Variants in ST8SIA5 observed in about 807,000 individuals in gnomAD.
ST8SIA5 encodes ST8 alpha-N-acetyl-neuraminide alpha-2,8-sialyltransferase 5, also known as alpha-2,8-sialyltransferase 8E.
In ST8SIA5, 24 loss-of-function variants were observed where a neutral mutation model predicts 40.2. That is an observed-to-expected ratio of 0.60 (90% CI 0.43 to 0.84). The LOEUF (loss-of-function observed/expected upper bound fraction) is 0.84. Ranked by LOEUF, ST8SIA5 falls within the 40% of genes least tolerant of loss-of-function variation. The probability of loss-of-function intolerance (pLI) is 0.00; values close to 1 mark genes in which losing one functional copy is unlikely to be tolerated. For synonymous variants in ST8SIA5, 198 were observed against 201.8 expected (o/e 0.98, Z 0.16); for missense variants, 465 against 498.5 (o/e 0.93, Z 0.64).
At chr18:46,751,555 C>G (rs1262285446) in intron 1 of ST8SIA5, among the ~76,000 whole-genome samples, 1 of 152,104 alleles carries the variant, frequency 6.6e-6, no homozygotes, top group Admixed American at 6.5e-5. Flanking sequence ...TGCCACCACA[C>G]CTGGCTAATT....
chr18:46,722,569 C>A (rs944146448), intron 1 of ST8SIA5, among the ~76,000 whole-genome samples: 1 of 152,190 alleles, frequency 6.6e-6, no homozygotes, highest in Non-Finnish European at 1.5e-5. Context: ...TTGGTGCCCG[C>A]TTAATTGCCC....
At chr18:46,735,183 C>T (rs961122529) in intron 1 of ST8SIA5, among the ~76,000 whole-genome samples, 3 of 152,242 alleles carry the variant, frequency 2.0e-5, no homozygotes, top group South Asian at 2.1e-4. Flanking sequence ...CTCAGGCCTT[C>T]GGCCACAGAC....
chr18:46,723,844 T>C (rs910201016), intron 1 of ST8SIA5, among the ~76,000 whole-genome samples: 4 of 152,204 alleles, frequency 2.6e-5, no homozygotes, highest in Admixed American at 6.5e-5. Flanking sequence ...GAGAATCGCT[T>C]GAACCTGGGA....
intron 1 of ST8SIA5, among the ~76,000 whole-genome samples, chr18:46,728,743 G>A (rs1366233631): frequency 6.6e-6 from 1 of 152,166 alleles, no homozygotes; most frequent in Non-Finnish European, 1.5e-5. Context: ...TGGAGAGTGA[G>A]ACTGAAGCCA....
Position 46,756,459 on chromosome 18 carries a change from G to T in ST8SIA5, c.50C>A (p.Thr17Asn), listed in dbSNP as rs2040248232. Residue 17 changes from threonine (T) to asparagine (N), a missense_variant, in exon 1 of 7, where the codon ACT becomes AAT. Coordinates refer to ENST00000315087, the MANE Select transcript of ST8SIA5 (RefSeq NM_013305.6). The part of the protein sequence containing the change: ...SANRDLLGSR[T>N]LLFIFICAFA... ...GGCGCAGATGAAGATGAAGAGCAAA[G>T]TTCGGCTCCCCAACAAATCCCGGTT... 1 of 1,613,258 alleles carries T rather than the reference G, an allele frequency of 6.2e-7. No homozygotes were observed. The highest frequency in any genetic ancestry group is 8.5e-7 in the Non-Finnish European group (1 of 1,179,362).
At chr18:46,752,785 G>A (rs1227347041) in intron 1 of ST8SIA5, among the ~76,000 whole-genome samples, 3 of 152,204 alleles carry the variant, frequency 2.0e-5, no homozygotes, top group South Asian at 4.1e-4. Context: ...AGGTGGCATC[G>A]CACCAGCTCA....
At chr18:46,692,435 A>C (rs1481384091) in intron 2 of ST8SIA5, among the ~76,000 whole-genome samples, 180 bp from the exon 3 acceptor site, 1 of 150,422 alleles carries the variant, frequency 6.6e-6, no homozygotes, top group Non-Finnish European at 1.5e-5. Flanking sequence ...ACAGGGCCTC[A>C]CACCGATGTA....
At chr18:46,719,836 T>TTC (rs752547211) in intron 1 of ST8SIA5, among the ~76,000 whole-genome samples, 1 of 147,338 alleles carries the variant, frequency 6.8e-6, no homozygotes, top group Admixed American at 6.8e-5. Flanking sequence ...CTTTCTTTCT[T>TTC]TCTCTCTCTC....
At chr18:46,730,366 A>T in intron 1 of ST8SIA5, 1 of 521,716 alleles carries the variant, frequency 1.9e-6, no homozygotes, top group Non-Finnish European at 2.5e-6. Context: ...AACAGTCTAC[A>T]AAAGCAGACA....
chr18:46,705,510 C>T (rs1053515936), intron 1 of ST8SIA5, among the ~76,000 whole-genome samples: 1 of 152,214 alleles, frequency 6.6e-6, no homozygotes, highest in Non-Finnish European at 1.5e-5. Context: ...AACTAAGGTG[C>T]CCAGACCCCC....
At chr18:46,739,137 G>A (rs2040063637) in intron 1 of ST8SIA5, among the ~76,000 whole-genome samples, 1 of 152,208 alleles carries the variant, frequency 6.6e-6, no homozygotes. Context: ...ACCGTGGGCT[G>A]AGACCAGAAA....
At chr18:46,719,739 C>T (rs2039839740) in intron 1 of ST8SIA5, among the ~76,000 whole-genome samples, 2 of 13,298 alleles carry the variant, frequency 1.5e-4, no homozygotes, top group South Asian at 3.3e-3. Context: ...TCTCTTCTTT[C>T]CTTCCTTTCT....
chr18:46,722,277 G>C (rs1488065348), intron 1 of ST8SIA5, among the ~76,000 whole-genome samples: 3 of 152,148 alleles, frequency 2.0e-5, no homozygotes, highest in Admixed American at 2.0e-4. Context: ...TCCCATACCA[G>C]GCCCTCTTCC....
chr18:46,682,811 A>T (rs1449867649), intron 5 of ST8SIA5, among the ~76,000 whole-genome samples: 1 of 152,222 alleles, frequency 6.6e-6, no homozygotes, highest in African/African-American at 2.4e-5. Context: ...ACAGAATTGG[A>T]GTCAGAGAAA....
chr18:46,679,642 A>G lies in ST8SIA5; in HGVS notation c.*400T>C, dbSNP rs982480326. On this transcript the variant is annotated 3_prime_UTR_variant, in exon 7 of 7. Coordinates refer to ENST00000315087, the MANE Select transcript of ST8SIA5 (RefSeq NM_013305.6). ...GTGAAGTGTCCTGTCTCCACTCTCAATTCCATTCTCTGTAGGGTCTTCCTT... is the reference window on the plus strand; with the variant it reads ...GTGAAGTGTCCTGTCTCCACTCTCAGTTCCATTCTCTGTAGGGTCTTCCTT... 4 of 243,426 alleles carry G rather than the reference A, an allele frequency of 1.6e-5. No homozygotes were observed. Among genetic ancestry groups the G allele is most frequent in the African/African-American group, 2.2e-5 (1 of 44,918 alleles). The allele number at this position is 243,426 out of a possible 1,614,324, so 15.1% of individuals were successfully genotyped here. A position where few individuals can be genotyped will look rare whatever the true frequency, so the allele number is the denominator to read the frequency against.
intron 2 of ST8SIA5, among the ~76,000 whole-genome samples, chr18:46,694,524 G>A (rs1457610547): frequency 1.3e-5 from 2 of 152,138 alleles, no homozygotes; most frequent in African/African-American, 2.4e-5. Flanking sequence ...CAGGCATTCT[G>A]TAGCTGTTTG....
intron 1 of ST8SIA5, among the ~76,000 whole-genome samples, chr18:46,723,500 C>T (rs540591218): frequency 4.0e-5 from 6 of 148,938 alleles, no homozygotes; most frequent in South Asian, 2.1e-4. Flanking sequence ...TGAAGTAAGC[C>T]GAGATCACAC....
chr18:46,725,062 AAAGG>A (rs1489715182), intron 1 of ST8SIA5, among the ~76,000 whole-genome samples: 1 of 151,834 alleles, frequency 6.6e-6, no homozygotes, highest in Non-Finnish European at 1.5e-5. Flanking sequence ...AGAGAGAAAG[AAAGG>A]AAGGAAGAAA....
At chr18:46,694,655 GC>G (rs1284088459) in intron 2 of ST8SIA5, among the ~76,000 whole-genome samples, 2 of 152,100 alleles carry the variant, frequency 1.3e-5, no homozygotes, top group Non-Finnish European at 2.9e-5. Flanking sequence ...GCCTTCAGGA[GC>G]TGAGTGTTAC....
Sources: allele counts gnomAD v4.1 joint callset (sites outside exome capture counted in the v4.1 genomes callset), GRCh38; gene constraint gnomAD v4.1.1; transcripts MANE v1.5; gene names NCBI Gene and HGNC (gene_info 2026-07-23, HGNC 2026-07-21).